Variants in SLC35F3 observed in about 807,000 individuals in gnomAD.
SLC35F3 encodes the protein solute carrier family 35 member F3, also known as putative thiamine transporter SLC35F3.
Under a neutral mutation model 49.9 loss-of-function variants are expected in SLC35F3, and 25 were observed. The observed-to-expected ratio is 0.50, with a 90% confidence interval of 0.37 to 0.70. SLC35F3 has a LOEUF of 0.70. Ranked by LOEUF, SLC35F3 falls within the 30% of genes least tolerant of loss-of-function variation. The pLI, the probability that SLC35F3 is intolerant of heterozygous loss-of-function variation, is 0.00. For synonymous variants in SLC35F3, 275 were observed against 265.4 expected (o/e 1.04, Z -0.35); for missense variants, 525 against 639.8 (o/e 0.82, Z 1.94).
At chr1:234,013,579 A>G (rs1221919912) in intron 2 of SLC35F3, among the ~76,000 whole-genome samples, 1 of 152,056 alleles carries the variant, frequency 6.6e-6, no homozygotes, top group Non-Finnish European at 1.5e-5. Flanking sequence ...GATAAGCAAA[A>G]GCAAAAAGCC....
At chr1:234,248,128 T>C (rs1667672566) in intron 3 of SLC35F3, among the ~76,000 whole-genome samples, 1 of 152,252 alleles carries the variant, frequency 6.6e-6, no homozygotes, top group African/African-American at 2.4e-5. Context: ...GTTCTGTGGG[T>C]CGGTTGGCTG....
chr1:234,236,636 A>T (rs1420174236), intron 3 of SLC35F3, among the ~76,000 whole-genome samples: 1 of 152,038 alleles, frequency 6.6e-6, no homozygotes, highest in Non-Finnish European at 1.5e-5. Flanking sequence ...AAGACCCAGC[A>T]GTTAGGCAGA....
At chr1:234,252,070 T>G (rs1326573671) in intron 3 of SLC35F3, among the ~76,000 whole-genome samples, 1 of 151,972 alleles carries the variant, frequency 6.6e-6, no homozygotes, top group African/African-American at 2.4e-5. Flanking sequence ...TGATTGTAAA[T>G]TAAACTACTT....
At chr1:234,117,350 G>C (rs958338497) in intron 2 of SLC35F3, among the ~76,000 whole-genome samples, 24 of 152,052 alleles carry the variant, frequency 1.6e-4, no homozygotes, top group African/African-American at 5.8e-4. Flanking sequence ...CCAGCATTTT[G>C]GGAGGCTGAG....
chr1:234,255,727 G>A (rs892600587), intron 3 of SLC35F3, among the ~76,000 whole-genome samples: 1 of 152,130 alleles, frequency 6.6e-6, no homozygotes, highest in Admixed American at 6.5e-5. Context: ...AAATTATAAA[G>A]ACAATAAAAA....
intron 2 of SLC35F3, among the ~76,000 whole-genome samples, chr1:234,130,356 C>T (rs12031133): frequency 6.6e-6 from 1 of 151,948 alleles, no homozygotes; most frequent in South Asian, 2.1e-4. Flanking sequence ...TTAAAAAACT[C>T]TCGGCCGGGT....
chr1:234,136,696 T>G, intron 2 of SLC35F3, among the ~76,000 whole-genome samples: 1 of 152,340 alleles, frequency 6.6e-6, no homozygotes, highest in Non-Finnish European at 1.5e-5. Flanking sequence ...AATGAACGCA[T>G]GAGAGTATCA....
chr1:234,237,252 T>G (rs969314623), intron 3 of SLC35F3, among the ~76,000 whole-genome samples: 1 of 152,058 alleles, frequency 6.6e-6, no homozygotes, highest in Non-Finnish European at 1.5e-5. Flanking sequence ...TGTCAGGTGT[T>G]TGTTTGTTGG....
chr1:234,146,883 C>G (rs1264008230), intron 2 of SLC35F3, among the ~76,000 whole-genome samples: 1 of 151,996 alleles, frequency 6.6e-6, no homozygotes, highest in Non-Finnish European at 1.5e-5. Context: ...AGACTTTTTT[C>G]TATGTGTTTT....
intron 3 of SLC35F3, among the ~76,000 whole-genome samples, chr1:234,305,530 G>A (rs1042903359): frequency 2.6e-5 from 4 of 151,584 alleles, no homozygotes; most frequent in Admixed American, 6.6e-5. Flanking sequence ...CTACAGGCGC[G>A]CACCACCATG....
At chr1:234,198,147 C>G (rs2102932975) in intron 2 of SLC35F3, among the ~76,000 whole-genome samples, 1 of 152,316 alleles carries the variant, frequency 6.6e-6, no homozygotes, top group African/African-American at 2.4e-5. Context: ...CAGCAGTGAA[C>G]AGGTGTTCTT....
At chr1:233,982,921 C>T (rs766622479) in intron 2 of SLC35F3, among the ~76,000 whole-genome samples, 26 of 152,144 alleles carry the variant, frequency 1.7e-4, no homozygotes, top group Non-Finnish European at 3.2e-4. Context: ...AGGGACCTTG[C>T]CTAACCAGGG....
intron 2 of SLC35F3, among the ~76,000 whole-genome samples, chr1:234,103,798 T>C (rs934937931): frequency 7.9e-5 from 12 of 152,194 alleles, no homozygotes; most frequent in Non-Finnish European, 1.5e-4. Flanking sequence ...TCCCCACTCA[T>C]TGACTTCAGC....
chr1:234,079,242 T>C (rs1345044753), intron 2 of SLC35F3, among the ~76,000 whole-genome samples: 1 of 152,202 alleles, frequency 6.6e-6, no homozygotes, highest in Non-Finnish European at 1.5e-5. Flanking sequence ...TGTCAACAAA[T>C]GGTGCTGGGA....
intron 2 of SLC35F3, among the ~76,000 whole-genome samples, chr1:234,161,377 TG>T (rs1666225071): frequency 1.3e-5 from 2 of 151,874 alleles, no homozygotes; most frequent in Non-Finnish European, 2.9e-5. Context: ...CAGAGGTTGA[TG>T]CTACACTGCA....
chr1:234,263,935 C>A (rs1461742650), intron 3 of SLC35F3, among the ~76,000 whole-genome samples: 1 of 152,078 alleles, frequency 6.6e-6, no homozygotes, highest in African/African-American at 2.4e-5. Flanking sequence ...ATGGTGAAGC[C>A]CTGTCTCTAC....
intron 2 of SLC35F3, among the ~76,000 whole-genome samples, chr1:234,043,227 A>G (rs1172514260): frequency 6.6e-6 from 1 of 152,132 alleles, no homozygotes; most frequent in Non-Finnish European, 1.5e-5. Context: ...GTATGCTCTT[A>G]CAGTAGCAGT....
intron 2 of SLC35F3, among the ~76,000 whole-genome samples, chr1:234,042,578 T>C (rs957633384): frequency 6.6e-6 from 1 of 152,234 alleles, no homozygotes; most frequent in Admixed American, 6.5e-5. Flanking sequence ...TCTGTCTTTT[T>C]TGATACATTG....
At chr1:234,113,068 A>T (rs527263817) in intron 2 of SLC35F3, among the ~76,000 whole-genome samples, 1 of 152,104 alleles carries the variant, frequency 6.6e-6, no homozygotes, top group East Asian at 1.9e-4. Context: ...TCCCCATTTT[A>T]AAAAAAGAAG....
Sources: gnomAD v4.1 joint callset for allele counts (sites outside exome capture counted in the v4.1 genomes callset) on GRCh38, gnomAD v4.1.1 for gene constraint, MANE v1.5 for transcripts, NCBI Gene and HGNC (gene_info 2026-07-23, HGNC 2026-07-21) for gene names.